The following PSMC6 variants were observed in gnomAD, a reference collection of about 807,000 sequenced individuals.
The protein encoded by PSMC6 is proteasome 26S subunit, ATPase 6, also known as 26S proteasome regulatory subunit 10B.
Under a neutral mutation model 55.9 loss-of-function variants are expected in PSMC6, and 3 were observed. That is an observed-to-expected ratio of 0.05 (90% CI 0.02 to 0.14). The LOEUF is 0.14. PSMC6 is among the 10% of genes least tolerant of loss of function. The probability of loss-of-function intolerance (pLI) is 1.00; values close to 1 mark genes in which losing one functional copy is unlikely to be tolerated. For missense variants in PSMC6, 210 were observed against 478.7 expected (o/e 0.44, Z 5.24); for synonymous variants, 137 against 155.9 (o/e 0.88, Z 0.90).
At chr14:52,717,082 C>T (rs929993139) in intron 7 of PSMC6, among the ~76,000 whole-genome samples, 2 of 152,050 alleles carry the variant, frequency 1.3e-5, no homozygotes, top group Admixed American at 6.6e-5. Context: ...AGCATGGTGA[C>T]TATAATTAAT....
At chr14:52,722,878 G>A (rs555108489) in intron 12 of PSMC6, 1 of 152,232 alleles carries the variant, frequency 6.6e-6, no homozygotes, top group Admixed American at 6.5e-5. Flanking sequence ...AAAGCATACA[G>A]TATTTACTCT....
At chr14:52,714,071 C>A in intron 7 of PSMC6, 103 bp downstream of exon 7, 1 of 737,536 alleles carries the variant, frequency 1.4e-6, no homozygotes, top group Non-Finnish European at 2.1e-6. Flanking sequence ...GACACGGTCT[C>A]ACTCTGTTGC....
At chr14:52,721,026 A>G (rs1297920148) in intron 11 of PSMC6, 45 bp downstream of exon 11, 3 of 1,597,026 alleles carry the variant, frequency 1.9e-6, no homozygotes, top group Non-Finnish European at 2.6e-6. Context: ...CTTTGTGCCC[A>G]TTTCTTTTTC....
intron 13 of PSMC6, 66 bp downstream of exon 13, chr14:52,724,102 GT>G: frequency 6.9e-7 from 1 of 1,449,300 alleles, no homozygotes; most frequent in Non-Finnish European, 9.6e-7. Context: ...ACTGTTTTGA[GT>G]TTATCTGAAA....
chr14:52,707,710 A>G (rs1286198358), intron 1 of PSMC6, among the ~76,000 whole-genome samples: 1 of 152,182 alleles, frequency 6.6e-6, no homozygotes, highest in Non-Finnish European at 1.5e-5. Context: ...TGGAGTCGAA[A>G]GACGGCCGCG....
chr14:52,715,209 T>G (rs2041818224), intron 7 of PSMC6, among the ~76,000 whole-genome samples: 1 of 152,188 alleles, frequency 6.6e-6, no homozygotes, highest in Non-Finnish European at 1.5e-5. Flanking sequence ...AATCTTCATC[T>G]TTGGGTAATA....
intron 10 of PSMC6, among the ~76,000 whole-genome samples, chr14:52,720,222 CAA>C (rs34123680): frequency 0.39 from 23,748 of 60,976 alleles, 2,378 homozygotes; most frequent in Middle Eastern, 0.54. Flanking sequence ...AGTCTGTCTC[CAA>C]AAAAAAAAAA....
intron 13 of PSMC6, among the ~76,000 whole-genome samples, chr14:52,725,637 C>T (rs1271088616): frequency 6.6e-6 from 1 of 152,210 alleles, no homozygotes; most frequent in Non-Finnish European, 1.5e-5. Flanking sequence ...TCTCCTTTAT[C>T]TTCCAGTAGC....
chr14:52,722,604 G>A (rs967964744), intron 12 of PSMC6: 3 of 152,134 alleles, frequency 2.0e-5, no homozygotes, highest in African/African-American at 7.2e-5. Context: ...TAGAATGCAC[G>A]TTCAGAATGA....
intron 12 of PSMC6, chr14:52,723,304 T>A (rs1038103345): frequency 1.3e-5 from 2 of 152,360 alleles, no homozygotes; most frequent in African/African-American, 4.8e-5. Flanking sequence ...CTGTGCTGTC[T>A]TACTTCTCTT....
In PSMC6 at chr14:52,708,812, G is replaced by A. The variant is rs1290989286; in HGVS notation, c.254G>A (p.Arg85Gln). The stretch of plus-strand genomic sequence containing the variant: ...CCAAGATATGTTGTGGGTTGTCGTC[G>A]ACAGGTAATACTTTATATTTGTATA... The part of the protein sequence containing the change: ...NGPRYVVGCR[R>Q]QLDKSKLKPG... Residue 85 changes from arginine (R) to glutamine (Q), a missense_variant, in exon 4 of 14, where the codon CGA becomes CAA. Arg to Gln is a conservative substitution (Grantham distance 43, BLOSUM62 1). Coordinates refer to ENST00000445930, the MANE Select transcript of PSMC6 (RefSeq NM_002806.5). 3 of 1,613,384 alleles carry A rather than the reference G, an allele frequency of 1.9e-6. No individual in the cohort carries two copies. The highest frequency in any genetic ancestry group is 2.2e-5 in the East Asian group (1 of 44,836).
intron 4 of PSMC6, chr14:52,710,485 A>T (rs1414663717): frequency 6.6e-6 from 1 of 152,552 alleles, no homozygotes; most frequent in African/African-American, 2.4e-5. Flanking sequence ...CCTGAGAGTG[A>T]GGCAGATCTA....
chr14:52,727,624 G>A lies in PSMC6; in HGVS notation c.*7G>A, dbSNP rs373582468. Reference sequence around the variant, plus strand: ...GGACTACAAACCTGTGTAATTTACTGTAAGATTTTTGATGGCTGCATGACA... The same window carrying A: ...GGACTACAAACCTGTGTAATTTACTATAAGATTTTTGATGGCTGCATGACA... On this transcript the variant is annotated 3_prime_UTR_variant, in exon 14 of 14. Coordinates refer to ENST00000445930, the MANE Select transcript of PSMC6 (RefSeq NM_002806.5). 1.6e-5 allele frequency: 26 copies of A among 1,586,554 alleles called. No individual in the cohort carries two copies. The African/African-American group carries it at 3.4e-4, about 21-fold the overall frequency.
intron 4 of PSMC6, 126 bp from the exon 5 acceptor site, chr14:52,710,975 T>A: frequency 3.6e-6 from 3 of 842,734 alleles, no homozygotes; most frequent in Non-Finnish European, 5.9e-6. Flanking sequence ...ATAGAGTTTA[T>A]AATCTGATAT....
rs1318719698 is a variant in PSMC6 at position 52,708,595 on chromosome 14, T to C, written c.205+73T>C. ...TCTCTCACTTTTGAAATGCTTATTATTTTAATGACAATAATGCAGAGAGAG... is the reference window on the plus strand; with the variant it reads ...TCTCTCACTTTTGAAATGCTTATTACTTTAATGACAATAATGCAGAGAGAG... On this transcript the variant is annotated intron_variant, in intron 3 of 13. Transcript: ENST00000445930. The C allele has an allele frequency of 3.2e-6, 5 of 1,551,780 alleles. No homozygotes were observed. In the East Asian group the frequency reaches 1.1e-4, roughly 35 times the overall value.
chr14:52,707,357 C>CT, intron 1 of PSMC6, 53 bp downstream of exon 1: 2 of 1,606,766 alleles, frequency 1.2e-6, no homozygotes, highest in African/African-American at 2.7e-5. Context: ...GCTTCTGCCT[C>CT]TGACAAAGCA....
At position 52,708,714 on chromosome 14, in the gene PSMC6, T is replaced by C. The variant is rs371415116; in HGVS notation, c.206-50T>C. ...AACCCTCTGTCAACGTGGGTATGTA[T>C]TTTTTTACTTTCTATTTTTCAATTA... On this transcript the variant is annotated intron_variant, in intron 3 of 13. Coordinates refer to ENST00000445930, the MANE Select transcript of PSMC6 (RefSeq NM_002806.5). The C allele has an allele frequency of 2.5e-6, 4 of 1,608,352 alleles. No individual in the cohort carries two copies. In the African/African-American group the frequency reaches 5.4e-5, roughly 22 times the overall value.
intron 4 of PSMC6, 104 bp from the exon 5 acceptor site, chr14:52,710,997 C>T: frequency 3.4e-6 from 3 of 881,124 alleles, no homozygotes; most frequent in African/African-American, 1.8e-5. Flanking sequence ...TGTGTTCTCT[C>T]TGGAGGGTAA....
At chr14:52,709,663 A>G (rs1454484308) in intron 4 of PSMC6, 1 of 439,916 alleles carries the variant, frequency 2.3e-6, no homozygotes, top group African/African-American at 2.1e-5. Flanking sequence ...AAACATTAGA[A>G]AAGCCGAAGT....
Sources: gnomAD v4.1 joint callset for allele counts (sites outside exome capture counted in the v4.1 genomes callset) on GRCh38, gnomAD v4.1.1 for gene constraint, MANE v1.5 for transcripts, NCBI Gene and HGNC (gene_info 2026-07-23, HGNC 2026-07-21) for gene names.